NLGN1: variants seen among roughly 807,000 people sequenced by gnomAD.
The protein encoded by NLGN1 is neuroligin 1.
In NLGN1, 12 loss-of-function variants were observed where a neutral mutation model predicts 65.5. The observed-to-expected ratio is 0.18, with a 90% CI of 0.12 to 0.30. The LOEUF is 0.30. Ranked by LOEUF, NLGN1 falls within the 10% of genes least tolerant of loss-of-function variation. NLGN1 has a pLI of 1.00. For synonymous variants in NLGN1, 350 were observed against 359.5 expected, an observed-to-expected ratio of 0.97 and a Z score of 0.30; for missense variants, 750 against 1,007.1, an observed-to-expected ratio of 0.74 and a Z score of 3.46.
At chr3:173,541,116 A>G (rs932153807) in intron 2 of NLGN1, among the ~76,000 whole-genome samples, 1 of 152,186 alleles carries the variant, frequency 6.6e-6, no homozygotes, top group Non-Finnish European at 1.5e-5. Flanking sequence ...GTATATAGGG[A>G]ATCTATAAGA....
chr3:173,835,600 C>CACACACACACACAG (rs1578700670), intron 4 of NLGN1, among the ~76,000 whole-genome samples: 1 of 151,870 alleles, frequency 6.6e-6, no homozygotes, highest in East Asian at 1.9e-4. Context: ...CACACACACA[C>CACACACACACACAG]ACACACACAC....
At chr3:174,096,936 T>C (rs1420441770) in intron 4 of NLGN1, among the ~76,000 whole-genome samples, 1 of 151,930 alleles carries the variant, frequency 6.6e-6, no homozygotes, top group Non-Finnish European at 1.5e-5. Flanking sequence ...TTTAAGAAAA[T>C]AAATAAATAA....
At chr3:173,720,911 TGAG>T (rs1363724325) in intron 3 of NLGN1, among the ~76,000 whole-genome samples, 2 of 152,134 alleles carry the variant, frequency 1.3e-5, no homozygotes, top group East Asian at 1.9e-4. Context: ...AGAGCTATGA[TGAG>T]GAGAAGTAAA....
At chr3:173,712,738 A>G (rs1769182366) in intron 3 of NLGN1, among the ~76,000 whole-genome samples, 1 of 152,182 alleles carries the variant, frequency 6.6e-6, no homozygotes, top group Non-Finnish European at 1.5e-5. Flanking sequence ...AAGATTAAAC[A>G]AAATCCTTAT....
At chr3:173,897,356 G>A (rs1310366138) in intron 4 of NLGN1, among the ~76,000 whole-genome samples, 1 of 152,136 alleles carries the variant, frequency 6.6e-6, no homozygotes, top group African/African-American at 2.4e-5. Flanking sequence ...AGTAAAATTT[G>A]GTATCTTCCC....
intron 2 of NLGN1, among the ~76,000 whole-genome samples, chr3:173,514,162 T>G (rs1733451668): frequency 6.6e-6 from 1 of 152,230 alleles, no homozygotes; most frequent in East Asian, 1.9e-4. Context: ...TTAATGAGTA[T>G]GTTTTTAAAA....
intron 4 of NLGN1, among the ~76,000 whole-genome samples, chr3:174,040,695 A>G (rs1412363124): frequency 1.3e-5 from 2 of 152,074 alleles, no homozygotes; most frequent in Non-Finnish European, 2.9e-5. Flanking sequence ...TAGGAATTAC[A>G]GTTTTCCTCT....
In NLGN1 at chr3:173,749,774, T is replaced by A. The variant is rs1369655775; in HGVS notation, c.494-57906T>A. Among the ~76,000 whole-genome samples the A allele has an allele frequency of 3.3e-5, 5 of 152,146 alleles. No individual in the cohort carries two copies. In the East Asian group the frequency reaches 9.6e-4, roughly 29 times the overall value. On this transcript the variant is annotated intron_variant, in intron 3 of 6. Coordinates refer to ENST00000457714, the Ensembl canonical transcript of NLGN1. The stretch of plus-strand genomic sequence containing the variant: ...AAACATTACTGTCACTCTTTAGTGA[T>A]GACTAATACATATTAATTGAAAGCA...
In NLGN1 at chr3:173,989,428, G is replaced by A. The variant is rs553182336; in HGVS notation, c.646+181596G>A. Reference sequence around the variant, plus strand: ...GCAACACTTGAATGTGGAAAGTCAGGGTTTATTTTTCTTTCTGATGTTTCT... The same window carrying A: ...GCAACACTTGAATGTGGAAAGTCAGAGTTTATTTTTCTTTCTGATGTTTCT... On this transcript the variant is annotated intron_variant, in intron 4 of 6. Coordinates refer to ENST00000457714, the Ensembl canonical transcript of NLGN1. Among the ~76,000 whole-genome samples the A allele has an allele frequency of 4.6e-5, 7 of 152,194 alleles. No individual in the cohort carries two copies. The South Asian group carries it at 1.5e-3, about 32-fold the overall frequency.
intron 3 of NLGN1, among the ~76,000 whole-genome samples, chr3:173,787,819 A>C (rs1253991008): frequency 6.6e-6 from 1 of 152,228 alleles, no homozygotes; most frequent in Non-Finnish European, 1.5e-5. Flanking sequence ...TTTTGAGCTG[A>C]CCACAGCAAA....
intron 4 of NLGN1, among the ~76,000 whole-genome samples, chr3:174,246,885 C>G (rs1295728101): frequency 2.0e-5 from 3 of 152,150 alleles, no homozygotes; most frequent in Non-Finnish European, 4.4e-5. Context: ...GAAAGCATAG[C>G]TGGTTCACTC....
chr3:173,535,326 G>T (rs1737257703), intron 2 of NLGN1, among the ~76,000 whole-genome samples: 2 of 152,126 alleles, frequency 1.3e-5, no homozygotes, highest in Non-Finnish European at 2.9e-5. Flanking sequence ...ACATATGAAG[G>T]CACTTTTGAT....
chr3:174,043,804 G>T (rs1044056955), intron 4 of NLGN1, among the ~76,000 whole-genome samples: 1 of 152,204 alleles, frequency 6.6e-6, no homozygotes, highest in African/African-American at 2.4e-5. Context: ...TCTCACAGCT[G>T]CAGTAGGCAG....
At chr3:174,003,999 G>A (rs2152431367) in intron 4 of NLGN1, among the ~76,000 whole-genome samples, 1 of 152,244 alleles carries the variant, frequency 6.6e-6, no homozygotes, top group African/African-American at 2.4e-5. Flanking sequence ...CTTTATAAGT[G>A]AGTTAAAATA....
In NLGN1 at chr3:173,426,381, G is replaced by T. The variant is rs990531807; in HGVS notation, c.-389-8629G>T. On this transcript the variant is annotated intron_variant, in intron 1 of 6. Coordinates refer to ENST00000457714, the Ensembl canonical transcript of NLGN1. ...TTCTGCTATGATGTTGAATAAAAGT[G>T]ATGAAACTAGGTATCTTTTTCGTTT... 3.3e-5 allele frequency among the ~76,000 whole-genome samples: 5 copies of T among 151,998 alleles called. No homozygotes were observed. The East Asian group carries it at 5.8e-4, about 18-fold the overall frequency.
intron 2 of NLGN1, among the ~76,000 whole-genome samples, chr3:173,593,063 GA>G (rs1484013652): frequency 6.6e-6 from 1 of 152,052 alleles, no homozygotes; most frequent in African/African-American, 2.4e-5. Context: ...CTGGTTTCCA[GA>G]TTAATTCTTC....
At chr3:174,245,696 T>G (rs557034735) in intron 4 of NLGN1, among the ~76,000 whole-genome samples, 2 of 152,290 alleles carry the variant, frequency 1.3e-5, no homozygotes, top group South Asian at 4.1e-4. Context: ...TATCATAGAT[T>G]ATATATAACT....
intron 4 of NLGN1, among the ~76,000 whole-genome samples, chr3:174,082,571 A>G (rs1742451399): frequency 6.6e-6 from 1 of 151,874 alleles, no homozygotes; most frequent in Admixed American, 6.6e-5. Context: ...TATATACAAT[A>G]GTATATACTG....
chr3:174,119,025 AAGTC>A (rs1279324480), intron 4 of NLGN1, among the ~76,000 whole-genome samples: 1 of 152,188 alleles, frequency 6.6e-6, no homozygotes, highest in African/African-American at 2.4e-5. Flanking sequence ...TAGAAAAAAA[AAGTC>A]AGTGGAATAT....
Sources: allele counts gnomAD v4.1 joint callset (sites outside exome capture counted in the v4.1 genomes callset), GRCh38; gene constraint gnomAD v4.1.1; transcripts MANE v1.5; gene names NCBI Gene and HGNC (gene_info 2026-07-23, HGNC 2026-07-21).